SRD5A2: variants seen among roughly 807,000 people sequenced by gnomAD.
SRD5A2 encodes steroid 5 alpha-reductase 2.
A neutral mutation model predicts 27.4 loss-of-function variants in SRD5A2; 30 were observed. That is an observed-to-expected ratio of 1.10 (90% confidence interval 0.82 to 1.49). SRD5A2 has a LOEUF of 1.49. SRD5A2 is among the 40% of genes most tolerant of loss of function. SRD5A2 has a pLI of 0.00. For synonymous variants in SRD5A2, 141 were observed against 133.6 expected, an observed-to-expected ratio of 1.06 and a Z score of -0.38; for missense variants, 348 against 323.4, an observed-to-expected ratio of 1.08 and a Z score of -0.58.
the SRD5A2 span, among the ~76,000 whole-genome samples, chr2:31,632,377 C>G: frequency 6.6e-6 from 1 of 152,140 alleles, no homozygotes; most frequent in African/African-American, 2.4e-5. Context: ...AAAGATTGTC[C>G]AAATAGAAAT....
At chr2:31,643,734 G>A in the SRD5A2 span, among the ~76,000 whole-genome samples, 2 of 152,136 alleles carry the variant, frequency 1.3e-5, no homozygotes, top group Non-Finnish European at 2.9e-5. Context: ...GTCTACCGCA[G>A]GTTAAATCTG....
Position 31,580,699 on chromosome 2 carries a change from G to C in SRD5A2, c.202C>G (p.Leu68Val), listed in dbSNP as rs1233627532. The C allele has an allele frequency of 6.2e-7, 1 of 1,602,702 alleles. No homozygotes were observed. The highest frequency in any genetic ancestry group is 1.3e-5 in the African/African-American group (1 of 74,898). The change falls in exon 1 of 5, where the codon CTC (leucine) becomes GTC (valine). Residue 68 changes from leucine to valine, a missense_variant. By Grantham distance (32) the Leu-to-Val change is conservative (BLOSUM62 1). Transcript: ENST00000622030. ...AAGAGGGAGAGGGGCTGCCGGGCGA[G>C]GATCCCCGCGGGCACCGCGAAGGAA... Reference protein sequence around the residue: ...LPSFAVPAGILARQPLSLFGP... With the variant: ...LPSFAVPAGIVARQPLSLFGP...
chr2:31,533,636 C>T lies in SRD5A2; in HGVS notation c.412G>A (p.Asp138Asn), dbSNP rs2148066831. 1 of 1,553,934 alleles carries T rather than the reference C, an allele frequency of 6.4e-7. No individual in the cohort carries two copies. Among genetic ancestry groups the T allele is most frequent in the South Asian group, 1.2e-5 (1 of 84,128 alleles). The change falls in exon 2 of 5, where the codon GAT becomes AAT. Residue 138 changes from aspartate to asparagine, a missense_variant. By Grantham distance (23) the Asp-to-Asn change is conservative. Coordinates refer to ENST00000622030, the MANE Select transcript of SRD5A2 (RefSeq NM_000348.4). ...AACCGTATGTCTGTGTACCACCCAT[C>T]AGGGTATTCAGCACAGTAAATCAGA... ...YYLIYCAEYPDGWYTDIRFSL... is the reference protein window; with the variant it reads ...YYLIYCAEYPNGWYTDIRFSL...
the SRD5A2 span, among the ~76,000 whole-genome samples, chr2:31,592,323 C>G: frequency 6.6e-6 from 1 of 152,176 alleles, no homozygotes; most frequent in Admixed American, 6.5e-5. Flanking sequence ...CCACCACCTA[C>G]AACACCCTGG....
chr2:31,607,253 T>G, the SRD5A2 span, among the ~76,000 whole-genome samples: 1 of 152,064 alleles, frequency 6.6e-6, no homozygotes, highest in East Asian at 1.9e-4. Context: ...GACTGAAATA[T>G]TTCCAAATTT....
intron 1 of SRD5A2, among the ~76,000 whole-genome samples, chr2:31,575,598 A>T (rs138469715): frequency 6.6e-6 from 1 of 152,302 alleles, no homozygotes; most frequent in East Asian, 1.9e-4. Context: ...GAACTGACTA[A>T]TAAAGCAAAA....
At chr2:31,631,271 G>T in the SRD5A2 span, among the ~76,000 whole-genome samples, 1 of 152,148 alleles carries the variant, frequency 6.6e-6, no homozygotes, top group Non-Finnish European at 1.5e-5. Flanking sequence ...CAGCAGCCCA[G>T]ACCCCTTTCT....
At chr2:31,639,232 C>T in the SRD5A2 span, among the ~76,000 whole-genome samples, 4 of 152,152 alleles carry the variant, frequency 2.6e-5, no homozygotes, top group East Asian at 1.9e-4. Flanking sequence ...ACTCCATCCC[C>T]GCCCAACTCC....
chr2:31,653,384 T>C, the SRD5A2 span, among the ~76,000 whole-genome samples: 1 of 152,200 alleles, frequency 6.6e-6, no homozygotes, highest in Non-Finnish European at 1.5e-5. Flanking sequence ...GTTTTAAGAA[T>C]CCCAAATCCT....
the SRD5A2 span, among the ~76,000 whole-genome samples, chr2:31,652,123 A>T: frequency 6.6e-6 from 1 of 151,870 alleles, no homozygotes; most frequent in African/African-American, 2.4e-5. Flanking sequence ...ACACCCAACT[A>T]ATTTTTATTT....
chr2:31,531,570 A>C (rs180829733), intron 2 of SRD5A2, 98 bp from the exon 3 acceptor site: 14 of 783,734 alleles, frequency 1.8e-5, no homozygotes, highest in East Asian at 1.6e-4. Context: ...AGGGGCATTT[A>C]ATTTCTAAAT....
the SRD5A2 span, among the ~76,000 whole-genome samples, chr2:31,604,467 C>T: frequency 1.8e-4 from 28 of 151,800 alleles, no homozygotes; most frequent in African/African-American, 6.0e-4. Flanking sequence ...TTGCAGAATA[C>T]AAAATCAACA....
the SRD5A2 span, among the ~76,000 whole-genome samples, chr2:31,605,488 CT>C: frequency 6.8e-6 from 1 of 146,400 alleles, no homozygotes; most frequent in Non-Finnish European, 1.5e-5. Flanking sequence ...GGCAAAACAT[CT>C]GAATAGACAC....
At chr2:31,592,620 C>A in the SRD5A2 span, among the ~76,000 whole-genome samples, 1 of 152,194 alleles carries the variant, frequency 6.6e-6, no homozygotes, top group Non-Finnish European at 1.5e-5. Flanking sequence ...TCCAGTCCAG[C>A]TCTAAAGAGG....
intron 1 of SRD5A2, among the ~76,000 whole-genome samples, chr2:31,554,256 T>C (rs1418494900): frequency 2.0e-5 from 3 of 152,126 alleles, no homozygotes; most frequent in Admixed American, 6.6e-5. Flanking sequence ...ATCTAGAAGA[T>C]TGAAGATAAA....
intron 1 of SRD5A2, among the ~76,000 whole-genome samples, chr2:31,554,815 T>C (rs148626433): frequency 2.0e-5 from 3 of 152,208 alleles, no homozygotes; most frequent in African/African-American, 7.2e-5. Context: ...ATGAAAAATA[T>C]GTAGGGACAG....
the SRD5A2 span, among the ~76,000 whole-genome samples, chr2:31,607,731 CA>C: frequency 6.6e-6 from 1 of 151,968 alleles, no homozygotes; most frequent in South Asian, 2.1e-4. Flanking sequence ...CAAAAACAAA[CA>C]AAATATATTT....
chr2:31,525,833 C>G lies in SRD5A2; in HGVS notation c.*363G>C. The stretch of plus-strand genomic sequence containing the variant: ...AGTACTGCCTTCAAGTCAAAAAATT[C>G]TTGATTACAGAGTTGTCCTGCATTG... On this transcript the variant is annotated 3_prime_UTR_variant, in exon 5 of 5. Transcript: ENST00000622030. 1 of 253,908 alleles carries G rather than the reference C, an allele frequency of 3.9e-6. No individual in the cohort carries two copies. The highest frequency in any genetic ancestry group is 5.5e-5 in the East Asian group (1 of 18,050). The allele number at this position is 253,908 out of a possible 1,614,324, so 15.7% of individuals were successfully genotyped here.
At chr2:31,615,807 A>C in the SRD5A2 span, among the ~76,000 whole-genome samples, 1 of 152,194 alleles carries the variant, frequency 6.6e-6, no homozygotes, top group African/African-American at 2.4e-5. Flanking sequence ...AAGAGGCCCA[A>C]AGGCCTAGGA....
Sources: gnomAD v4.1 joint callset for allele counts (sites outside exome capture counted in the v4.1 genomes callset) on GRCh38, gnomAD v4.1.1 for gene constraint, MANE v1.5 for transcripts, NCBI Gene and HGNC (gene_info 2026-07-23, HGNC 2026-07-21) for gene names.